The following PC variants were observed in gnomAD, a reference collection of about 807,000 sequenced individuals.
PC encodes the protein pyruvate carboxylase, mitochondrial.
PC carries 46 observed loss-of-function variants against 107.8 expected under a neutral mutation model. That is an observed-to-expected ratio of 0.43 (90% confidence interval 0.34 to 0.55). The LOEUF (loss-of-function observed/expected upper bound fraction) is 0.55, where lower values mean the gene tolerates loss of function less well. Ranked by LOEUF, PC falls within the 20% of genes least tolerant of loss-of-function variation. The pLI, the probability that PC is intolerant of heterozygous loss-of-function variation, is 0.04. For missense variants in PC, 1,241 were observed against 1,643.1 expected (o/e 0.76, Z 4.23); for synonymous variants, 662 against 684.7 (o/e 0.97, Z 0.52).
chr11:66,865,556 A>G (rs2135912999), intron 11 of PC, among the ~76,000 whole-genome samples: 1 of 152,304 alleles, frequency 6.6e-6, no homozygotes, highest in African/African-American at 2.4e-5. Flanking sequence ...AGAAAGGTAC[A>G]GGGAGCCCTC....
intron 12 of PC, chr11:66,859,500 T>C: frequency 2.0e-6 from 3 of 1,497,830 alleles, no homozygotes; most frequent in Non-Finnish European, 2.7e-6. Flanking sequence ...CTCCAGCCTG[T>C]TCACCTTCCT....
In PC at chr11:66,858,232, C is replaced by G; in HGVS notation, c.1369-4849G>C. 1 of 1,612,410 alleles carries G rather than the reference C, an allele frequency of 6.2e-7. No individual in the cohort carries two copies. Among genetic ancestry groups the G allele is most frequent in the Non-Finnish European group, 8.5e-7 (1 of 1,179,894 alleles). On this transcript the variant is annotated intron_variant, in intron 12 of 22. Coordinates refer to ENST00000393960, the MANE Select transcript of PC (RefSeq NM_001040716.2). This position sits in a 1 kb window ranked among gnomAD's most constrained non-coding sequence, Gnocchi z 5.9. ...AACAACCTCCGGCAGGTGCCCTGGGCCGGCATCGGCGCCATGCCTGCCCTG... is the reference window on the plus strand; with the variant it reads ...AACAACCTCCGGCAGGTGCCCTGGGGCGGCATCGGCGCCATGCCTGCCCTG...
intron 3 of PC, among the ~76,000 whole-genome samples, chr11:66,951,112 C>T (rs1336111161): frequency 2.0e-5 from 3 of 152,082 alleles, no homozygotes; most frequent in Admixed American, 1.3e-4. Flanking sequence ...CCAGCTCCTG[C>T]GTCATGAAGG....
At chr11:66,863,998 C>A (rs139042732) in intron 11 of PC, 42 bp from the exon 12 acceptor site, 2 of 1,606,280 alleles carry the variant, frequency 1.2e-6, no homozygotes, top group African/African-American at 1.3e-5. Flanking sequence ...CCAGAAACTG[C>A]GGTCAAAAGT....
At position 66,852,982 on chromosome 11, in the gene PC, G is replaced by C. The variant is rs1945594947; in HGVS notation, c.1514-146C>G. Reference sequence around the variant, plus strand: ...CTGGCCCCTGTCCTCTCCAAAGCCAGGGCCTCCTGGGTACAGGCAGTGGGG... The same window carrying C: ...CTGGCCCCTGTCCTCTCCAAAGCCACGGCCTCCTGGGTACAGGCAGTGGGG... On this transcript the variant is annotated intron_variant, in intron 13 of 22. Transcript: ENST00000393960. The surrounding 1 kb of genome is among the most constrained non-coding windows in gnomAD (Gnocchi z 4.7). 9.7e-6 allele frequency: 7 copies of C among 722,762 alleles called. No homozygotes were observed. Among genetic ancestry groups the C allele is most frequent in the Non-Finnish European group, 1.6e-5 (7 of 445,282 alleles). The allele number at this position is 722,762 out of a possible 1,614,324, so 44.8% of individuals were successfully genotyped here.
rs895890272 is a variant in PC at position 66,858,723 on chromosome 11, C to A, written c.1368+5051G>T. On this transcript the variant is annotated intron_variant, in intron 12 of 22. Transcript: ENST00000393960. The surrounding 1 kb of genome is among the most constrained non-coding windows in gnomAD (Gnocchi z 5.9). ...CGACCGGTTGGTTGGCAACTCCTCC[C>A]GAGCCCGGGCTTTCCCCAACGGGAC... 5.8e-6 allele frequency: 9 copies of A among 1,552,150 alleles called. No individual in the cohort carries two copies. The highest frequency in any genetic ancestry group is 1.7e-4 in the Middle Eastern group (1 of 5,966).
intron 3 of PC, among the ~76,000 whole-genome samples, chr11:66,888,546 G>C (rs1311169058): frequency 2.6e-5 from 4 of 152,122 alleles, no homozygotes; most frequent in Non-Finnish European, 4.4e-5. Flanking sequence ...GGCCCAGGTC[G>C]CTCGCTGTCC....
At chr11:66,865,865 G>A (rs957316127) in intron 11 of PC, among the ~76,000 whole-genome samples, 5 of 152,232 alleles carry the variant, frequency 3.3e-5, no homozygotes, top group African/African-American at 7.2e-5. Flanking sequence ...GCAGCCAGGC[G>A]TGGGGCTCCT....
chr11:66,915,704 T>C (rs950628003), intron 3 of PC, among the ~76,000 whole-genome samples: 2 of 152,038 alleles, frequency 1.3e-5, no homozygotes, highest in Admixed American at 6.5e-5. Context: ...GCCTCAGAGG[T>C]GGCATGCCAG....
At chr11:66,853,457 A>T in intron 12 of PC, 74 bp from the exon 13 acceptor site, 1 of 1,576,846 alleles carries the variant, frequency 6.3e-7, no homozygotes, top group Non-Finnish European at 8.7e-7. Context: ...AAAGGCTGAA[A>T]GAGAAAAGGC....
At chr11:66,891,398 GTT>G (rs1947569177) in intron 3 of PC, among the ~76,000 whole-genome samples, 1 of 148,440 alleles carries the variant, frequency 6.7e-6, no homozygotes, top group African/African-American at 2.5e-5. Flanking sequence ...GTTTTGTTTT[GTT>G]TTGTTTTTTT....
intron 3 of PC, among the ~76,000 whole-genome samples, chr11:66,947,410 C>A (rs999753203): frequency 6.6e-6 from 1 of 151,360 alleles, no homozygotes; most frequent in African/African-American, 2.4e-5. Flanking sequence ...AGTGAAACCC[C>A]GTCTCTACTA....
At position 66,852,050 on chromosome 11, in the gene PC, T is replaced by C. The variant is rs1945529965; in HGVS notation, c.1826-104A>G. Reference sequence around the variant, plus strand: ...ACAAGCCTCTGGCCCCAATACCAGGTCCTGCTCATCTTCGCCATACCTGTG... The same window carrying C: ...ACAAGCCTCTGGCCCCAATACCAGGCCCTGCTCATCTTCGCCATACCTGTG... On this transcript the variant is annotated intron_variant, in intron 15 of 22. Coordinates refer to ENST00000393960, the MANE Select transcript of PC (RefSeq NM_001040716.2). The surrounding 1 kb of genome is among the most constrained non-coding windows in gnomAD (Gnocchi z 4.7). 4.2e-6 allele frequency: 5 copies of C among 1,186,278 alleles called. No homozygotes were observed. The South Asian group carries it at 6.4e-5, about 15-fold the overall frequency. The allele number at this position is 1,186,278 out of a possible 1,614,324, so 73.5% of individuals were successfully genotyped here. A position where few individuals can be genotyped will look rare whatever the true frequency, so the allele number is the denominator to read the frequency against.
At position 66,858,428 on chromosome 11, in the gene PC, G is replaced by A. The variant is rs921863705; in HGVS notation, c.1369-5045C>T. ...CAGAGGCCTCTCCCGCCCCCCTGGT[G>A]CTGAGCTTTAGCGGGAACCCCCTGC... On this transcript the variant is annotated intron_variant, in intron 12 of 22. Coordinates refer to ENST00000393960, the MANE Select transcript of PC (RefSeq NM_001040716.2). The surrounding 1 kb of genome is among the most constrained non-coding windows in gnomAD (Gnocchi z 5.9). 9.6e-6 allele frequency: 15 copies of A among 1,554,578 alleles called. No homozygotes were observed. Among genetic ancestry groups the A allele is most frequent in the Non-Finnish European group, 1.3e-5 (15 of 1,156,278 alleles).
chr11:66,852,085 C>G lies in PC; in HGVS notation c.1826-139G>C. ...CTTCGCCATACCTGTGTTCCCTGCT[C>G]CAACCCCCACAGATTTTTCCCTTGT... On this transcript the variant is annotated intron_variant, in intron 15 of 22. Transcript: ENST00000393960. This position sits in a 1 kb window ranked among gnomAD's most constrained non-coding sequence, Gnocchi z 4.7. 1.2e-6 allele frequency: 1 copy of G among 868,256 alleles called. No homozygotes were observed. Among genetic ancestry groups the G allele is most frequent in the Non-Finnish European group, 1.8e-6 (1 of 548,072 alleles). 53.8% of individuals were successfully genotyped at this position (868,256 alleles called of 1,614,324 possible). A position where few individuals can be genotyped will look rare whatever the true frequency, so the allele number is the denominator to read the frequency against.
At chr11:66,865,580 G>A (rs540685129) in intron 11 of PC, among the ~76,000 whole-genome samples, 9 of 152,312 alleles carry the variant, frequency 5.9e-5, no homozygotes, top group East Asian at 1.9e-4. Context: ...GAGAAGGCGC[G>A]AGTCTTGCTG....
chr11:66,925,477 G>GCTCCT (rs1461462517), intron 3 of PC, among the ~76,000 whole-genome samples: 1 of 152,192 alleles, frequency 6.6e-6, no homozygotes, highest in Non-Finnish European at 1.5e-5. Context: ...ATATGGCTCT[G>GCTCCT]CTCCGCCCAG....
At chr11:66,917,417 G>T (rs566912465) in intron 3 of PC, among the ~76,000 whole-genome samples, 3 of 152,216 alleles carry the variant, frequency 2.0e-5, no homozygotes, top group South Asian at 2.1e-4. Flanking sequence ...TATCAGAAGG[G>T]TCTATGCAAA....
chr11:66,951,937 C>T (rs1049539634), intron 3 of PC, among the ~76,000 whole-genome samples: 4 of 151,920 alleles, frequency 2.6e-5, no homozygotes, highest in Admixed American at 6.6e-5. Context: ...GTGGCACATG[C>T]CTGTAAAATG....
Sources: gnomAD v4.1 joint callset for allele counts (sites outside exome capture counted in the v4.1 genomes callset) on GRCh38, gnomAD v4.1.1 for gene constraint, Gnocchi (gnomAD v3.1) non-coding constraint, MANE v1.5 for transcripts, NCBI Gene and HGNC (gene_info 2026-07-23, HGNC 2026-07-21) for gene names.